Variants in TPD52L1 observed in about 807,000 individuals in gnomAD.
The protein encoded by TPD52L1 is TPD52 like 1.
Under a neutral mutation model 28.7 loss-of-function variants are expected in TPD52L1, and 18 were observed. That is an observed-to-expected ratio of 0.63 (90% CI 0.43 to 0.93). The LOEUF (loss-of-function observed/expected upper bound fraction) is 0.93. Ranked by LOEUF, TPD52L1 falls within the 40% of genes least tolerant of loss-of-function variation. TPD52L1 has a pLI of 0.00. For missense variants in TPD52L1, 203 were observed against 254.8 expected (o/e 0.80, Z 1.39); for synonymous variants, 75 against 88.8 (o/e 0.84, Z 0.88).
At chr6:125,191,661 C>T (rs547064823) in intron 1 of TPD52L1, among the ~76,000 whole-genome samples, 1 of 152,134 alleles carries the variant, frequency 6.6e-6, no homozygotes, top group Admixed American at 6.5e-5. Flanking sequence ...GAGTGTAAGA[C>T]CAAATGAACT....
Position 125,225,115 on chromosome 6 carries a change from T to G in TPD52L1, c.136-4003T>G, listed in dbSNP as rs190683660. ...ATCATACAATATGGGACCTTTTGTG[T>G]CTGGCTTCTTTCACTTAGCCTGATG... On this transcript the variant is annotated intron_variant, in intron 2 of 6. Transcript: ENST00000534000. 2.5e-3 allele frequency among the ~76,000 whole-genome samples: 382 copies of G among 152,380 alleles called. 3 individuals are homozygous for G. The highest frequency in any genetic ancestry group is 8.8e-3 in the African/African-American group (364 of 41,594).
chr6:125,207,930 G>A lies in TPD52L1; in HGVS notation c.20-12148G>A, dbSNP rs17053150. Among the ~76,000 whole-genome samples the A allele has an allele frequency of 7.1e-3, 1,085 of 152,264 alleles. 15 individuals carry two copies. The highest frequency in any genetic ancestry group is 0.025 in the African/African-American group (1,047 of 41,556). On this transcript the variant is annotated intron_variant, in intron 1 of 6. Transcript: ENST00000534000. Reference sequence around the variant, plus strand: ...TTCTAGGGAGGACGAGGCAAGATAAGATATGTAACACACCTGGAGCATAGC... The same window carrying A: ...TTCTAGGGAGGACGAGGCAAGATAAAATATGTAACACACCTGGAGCATAGC...
chr6:125,172,526 A>C (rs1582855074), intron 1 of TPD52L1, among the ~76,000 whole-genome samples: 1 of 74,166 alleles, frequency 1.3e-5, no homozygotes, highest in Admixed American at 1.5e-4. Context: ...ATATATATAT[A>C]TATATATATA....
At chr6:125,187,595 G>C (rs1180820653) in intron 1 of TPD52L1, among the ~76,000 whole-genome samples, 1 of 152,172 alleles carries the variant, frequency 6.6e-6, no homozygotes, top group Non-Finnish European at 1.5e-5. Context: ...TTAAAAGAAT[G>C]AATTTTAACT....
chr6:125,223,809 A>G (rs886579576), intron 2 of TPD52L1, among the ~76,000 whole-genome samples: 6 of 151,956 alleles, frequency 3.9e-5, no homozygotes, highest in Non-Finnish European at 8.8e-5. Context: ...AAGTTCATCA[A>G]GTGTGAGGCC....
chr6:125,207,019 A>G (rs1313100143), intron 1 of TPD52L1, among the ~76,000 whole-genome samples: 1 of 152,236 alleles, frequency 6.6e-6, no homozygotes, highest in Non-Finnish European at 1.5e-5. Flanking sequence ...ACAAACAAAC[A>G]TCACAGATAT....
rs1798158578 is a variant in TPD52L1 at position 125,263,217 on chromosome 6, AC to A, written c.*256del. 2.2e-6 allele frequency: 1 copy of A among 463,462 alleles called. No individual in the cohort carries two copies. Among genetic ancestry groups the A allele is most frequent in the East Asian group, 3.7e-5 (1 of 26,812 alleles). 28.7% of individuals were successfully genotyped at this position (463,462 alleles called of 1,614,324 possible). On this transcript the variant is annotated 3_prime_UTR_variant, in exon 7 of 7. Coordinates refer to ENST00000534000, the MANE Select transcript of TPD52L1 (RefSeq NM_003287.4). ...ATGTTCCCACTTGAGCAGGTACACA[AC>A]TGGTCATAATTCCTGTCTGTGTAAT...
At chr6:125,185,145 C>A (rs1039761959) in intron 1 of TPD52L1, among the ~76,000 whole-genome samples, 5 of 152,118 alleles carry the variant, frequency 3.3e-5, no homozygotes, top group Admixed American at 3.3e-4. Flanking sequence ...CCAAATAACA[C>A]AGCAACTATA....
chr6:125,159,964 C>G (rs12665020), intron 1 of TPD52L1, among the ~76,000 whole-genome samples: 32,278 of 152,008 alleles, frequency 0.21, 4,248 homozygotes, highest in Admixed American at 0.36. Flanking sequence ...CCATGCTGTT[C>G]TCATGATAGC....
rs1050214802 is a variant in TPD52L1, at chr6:125,263,585, G to A, written c.*623G>A. ...AAATCAACTTTTAGCCAGGTGCGGC[G>A]GCTCACACCTGTAATCCCAACTATT... On this transcript the variant is annotated 3_prime_UTR_variant, in exon 7 of 7. Transcript: ENST00000534000. 5.2e-5 allele frequency: 8 copies of A among 152,520 alleles called. No homozygotes were observed. The highest frequency in any genetic ancestry group is 8.8e-5 in the Non-Finnish European group (6 of 68,054). The allele number at this position is 152,520 out of a possible 1,614,324, so 9.4% of individuals were successfully genotyped here.
At chr6:125,168,115 G>A (rs371115809) in intron 1 of TPD52L1, among the ~76,000 whole-genome samples, 1 of 152,164 alleles carries the variant, frequency 6.6e-6, no homozygotes, top group East Asian at 1.9e-4. Flanking sequence ...AACTTTGTAT[G>A]ACCTTTGCTA....
At chr6:125,160,810 C>T (rs1414959768) in intron 1 of TPD52L1, among the ~76,000 whole-genome samples, 2 of 151,346 alleles carry the variant, frequency 1.3e-5, no homozygotes, top group South Asian at 2.1e-4. Context: ...TGGCAACAGC[C>T]CTTGCTGCTT....
intron 1 of TPD52L1, among the ~76,000 whole-genome samples, chr6:125,208,225 G>T (rs1323496273): frequency 6.6e-6 from 1 of 152,150 alleles, no homozygotes. Context: ...CTTCTCTCAA[G>T]GCCAAGATAT....
intron 1 of TPD52L1, among the ~76,000 whole-genome samples, chr6:125,202,764 A>ATTTTT (rs1793875136): frequency 1.4e-5 from 1 of 69,242 alleles, no homozygotes; most frequent in Non-Finnish European, 2.5e-5. Context: ...TTGGAGGTTT[A>ATTTTT]TCTTTTTTTT....
At chr6:125,161,310 G>A (rs977291335) in intron 1 of TPD52L1, among the ~76,000 whole-genome samples, 5 of 152,168 alleles carry the variant, frequency 3.3e-5, no homozygotes, top group Non-Finnish European at 7.3e-5. Flanking sequence ...TGGCTGGTTT[G>A]ATCTATCCAG....
chr6:125,199,946 C>T (rs1232701883), intron 1 of TPD52L1, among the ~76,000 whole-genome samples: 2 of 152,326 alleles, frequency 1.3e-5, no homozygotes, highest in East Asian at 3.9e-4. Flanking sequence ...TGGCTCATCA[C>T]CTCATTGCCT....
intron 4 of TPD52L1, among the ~76,000 whole-genome samples, chr6:125,248,911 G>C (rs1340660183): frequency 6.6e-6 from 1 of 151,392 alleles, no homozygotes; most frequent in Admixed American, 6.6e-5. Context: ...AATATTTATT[G>C]CACCTTCATT....
chr6:125,248,228 A>G, intron 3 of TPD52L1, 54 bp from the exon 4 acceptor site: 1 of 1,390,480 alleles, frequency 7.2e-7, no homozygotes, highest in Middle Eastern at 1.8e-4. Flanking sequence ...AGGAAGATGA[A>G]TTGTTTATGG....
chr6:125,181,695 A>T (rs116392187), intron 1 of TPD52L1, among the ~76,000 whole-genome samples: 1,562 of 152,362 alleles, frequency 0.01, 38 homozygotes, highest in African/African-American at 0.036. Flanking sequence ...TTTTCTGATG[A>T]ACTAGAATGG....
Sources: gnomAD v4.1 joint callset for allele counts (sites outside exome capture counted in the v4.1 genomes callset) on GRCh38, gnomAD v4.1.1 for gene constraint, MANE v1.5 for transcripts, NCBI Gene and HGNC (gene_info 2026-07-23, HGNC 2026-07-21) for gene names.